The following SNTG1 variants were observed in gnomAD, a reference collection of about 807,000 sequenced individuals.
SNTG1 encodes the protein gamma-1-syntrophin.
In SNTG1, 39 loss-of-function variants were observed where a neutral mutation model predicts 74.7. The ratio of observed to expected loss-of-function variants is 0.52; its 90% CI spans 0.40 to 0.68. SNTG1 has a LOEUF of 0.68. Among genes scored for constraint, SNTG1 ranks in the 30% least tolerant of loss-of-function variants. SNTG1 has a pLI of 0.00. For synonymous variants in SNTG1, 254 were observed against 217.1 expected (o/e 1.17, Z -1.49); for missense variants, 685 against 609.5 (o/e 1.12, Z -1.30).
At chr8:50,326,477 G>A (rs183065477) in intron 2 of SNTG1, among the ~76,000 whole-genome samples, 39 of 152,122 alleles carry the variant, frequency 2.6e-4, no homozygotes, top group African/African-American at 8.7e-4. Context: ...TGTGGGCAGA[G>A]AGTTGTTATT....
chr8:50,315,553 G>C (rs987847489), intron 2 of SNTG1, among the ~76,000 whole-genome samples: 1 of 150,114 alleles, frequency 6.7e-6, no homozygotes, highest in South Asian at 2.2e-4. Flanking sequence ...GAAAATGATA[G>C]TGGAGAATCA....
chr8:50,318,036 C>T (rs1000141738), intron 2 of SNTG1, among the ~76,000 whole-genome samples: 12 of 152,094 alleles, frequency 7.9e-5, no homozygotes, highest in African/African-American at 2.9e-4. Flanking sequence ...CGGGGTTTCA[C>T]CATGTTAGCC....
At chr8:50,132,363 A>T (rs1165128401) in intron 1 of SNTG1, among the ~76,000 whole-genome samples, 1 of 152,108 alleles carries the variant, frequency 6.6e-6, no homozygotes, top group Non-Finnish European at 1.5e-5. Flanking sequence ...TAAATTATTT[A>T]TGGGTGAGAT....
intron 1 of SNTG1, among the ~76,000 whole-genome samples, chr8:50,147,115 A>G (rs908866597): frequency 9.9e-5 from 15 of 152,192 alleles, no homozygotes; most frequent in African/African-American, 3.6e-4. Context: ...GGATACAGGG[A>G]ACTTTGAAAG....
chr8:50,688,396 C>G (rs1352882853), intron 15 of SNTG1, among the ~76,000 whole-genome samples: 1 of 152,154 alleles, frequency 6.6e-6, no homozygotes, highest in African/African-American at 2.4e-5. Flanking sequence ...TTAGGTCTAA[C>G]ATTTAAGTCT....
At chr8:50,440,880 A>G (rs565103512) in intron 5 of SNTG1, among the ~76,000 whole-genome samples, 1 of 152,350 alleles carries the variant, frequency 6.6e-6, no homozygotes, top group East Asian at 1.9e-4. Context: ...TTTTAGTTTT[A>G]TGTTAAAAAC....
At chr8:50,384,014 C>A (rs2092533582) in intron 2 of SNTG1, among the ~76,000 whole-genome samples, 1 of 152,138 alleles carries the variant, frequency 6.6e-6, no homozygotes, top group African/African-American at 2.4e-5. Context: ...AATAAGGTCG[C>A]AGGTACAGGA....
chr8:50,639,932 C>T (rs775777795), intron 13 of SNTG1, among the ~76,000 whole-genome samples: 3 of 152,056 alleles, frequency 2.0e-5, no homozygotes, highest in Non-Finnish European at 4.4e-5. Flanking sequence ...GACCAGTTAT[C>T]ATATATATCC....
intron 2 of SNTG1, among the ~76,000 whole-genome samples, chr8:50,184,465 A>T (rs1422598296): frequency 2.0e-5 from 3 of 152,124 alleles, no homozygotes; most frequent in Admixed American, 6.6e-5. Flanking sequence ...TGCCCGGCCT[A>T]CATCTTAAAA....
chr8:49,910,049 G>C (rs1426869484), upstream of SNTG1: 1 of 152,470 alleles, frequency 6.6e-6, no homozygotes, highest in East Asian at 1.9e-4. Flanking sequence ...CCGGTGCTTG[G>C]AGAGCGCAAT....
At chr8:50,254,510 T>C (rs1409652572) in intron 2 of SNTG1, among the ~76,000 whole-genome samples, 1 of 152,106 alleles carries the variant, frequency 6.6e-6, no homozygotes, top group African/African-American at 2.4e-5. Flanking sequence ...AAATTTCTTA[T>C]GAACTATGAC....
At chr8:50,597,386 T>C (rs532926358) in intron 13 of SNTG1, among the ~76,000 whole-genome samples, 1 of 96,040 alleles carries the variant, frequency 1.0e-5, no homozygotes, top group African/African-American at 1.6e-4. Context: ...TATACACATA[T>C]ATACATATAT....
intron 1 of SNTG1, among the ~76,000 whole-genome samples, chr8:50,030,619 T>A (rs184230316): frequency 6.6e-6 from 1 of 152,176 alleles, no homozygotes; most frequent in East Asian, 1.9e-4. Context: ...CTCCACTTAT[T>A]ATTGTTTTTC....
chr8:50,036,589 GAA>G (rs2130789148), intron 1 of SNTG1, among the ~76,000 whole-genome samples: 1 of 152,314 alleles, frequency 6.6e-6, no homozygotes, highest in East Asian at 1.9e-4. Context: ...TGGACAGGCA[GAA>G]AGTCTCATTG....
Position 49,919,027 on chromosome 8 carries a change from G to A in SNTG1, c.-103+6796G>A, listed in dbSNP as rs368426519. 4.1e-4 allele frequency among the ~76,000 whole-genome samples: 62 copies of A among 152,106 alleles called. 1 individual carries two copies. Among genetic ancestry groups the A allele is most frequent in the African/African-American group, 1.3e-3 (56 of 41,520 alleles). On this transcript the variant is annotated intron_variant, in intron 1 of 18. Transcript: ENST00000642720. ...CAGTGTTGTCTTCATTCCAAAGTACGGTTTGCCTACGTGATAACATTTGCC... is the reference window on the plus strand; with the variant it reads ...CAGTGTTGTCTTCATTCCAAAGTACAGTTTGCCTACGTGATAACATTTGCC...
intron 2 of SNTG1, among the ~76,000 whole-genome samples, chr8:50,295,277 G>C (rs1028023076): frequency 6.6e-6 from 1 of 152,098 alleles, no homozygotes; most frequent in African/African-American, 2.4e-5. Flanking sequence ...TAATGGCAAC[G>C]TTGATAGGAG....
chr8:50,572,544 G>A (rs977670497), intron 12 of SNTG1, among the ~76,000 whole-genome samples: 1 of 152,110 alleles, frequency 6.6e-6, no homozygotes, highest in Non-Finnish European at 1.5e-5. Context: ...TTGATTTACT[G>A]TTAATGGATA....
intron 1 of SNTG1, among the ~76,000 whole-genome samples, chr8:50,149,334 T>A (rs1394099568): frequency 1.1e-4 from 16 of 152,256 alleles, no homozygotes; most frequent in Non-Finnish European, 4.4e-5. Flanking sequence ...TCTCCCATTC[T>A]GTAGGTTGCC....
intron 1 of SNTG1, among the ~76,000 whole-genome samples, chr8:49,990,024 T>C (rs1813529078): frequency 6.6e-6 from 1 of 151,972 alleles, no homozygotes; most frequent in Non-Finnish European, 1.5e-5. Context: ...GTATCTTTCC[T>C]GTAAGATCAA....
Sources: allele counts gnomAD v4.1 joint callset (sites outside exome capture counted in the v4.1 genomes callset), GRCh38; gene constraint gnomAD v4.1.1; transcripts MANE v1.5; gene names NCBI Gene and HGNC (gene_info 2026-07-23, HGNC 2026-07-21).